The following GPATCH8 variants were observed in gnomAD, a reference collection of about 807,000 sequenced individuals.
GPATCH8 encodes G-patch domain containing 8.
GPATCH8 carries 18 observed loss-of-function variants against 118.3 expected under a neutral mutation model. The ratio of observed to expected loss-of-function variants is 0.15; its 90% CI spans 0.11 to 0.23. GPATCH8 has a LOEUF of 0.23. Ranked by LOEUF, GPATCH8 falls within the 10% of genes least tolerant of loss-of-function variation. GPATCH8 has a pLI of 1.00. For missense variants in GPATCH8, 1,631 were observed against 1,873.8 expected (o/e 0.87, Z 2.39); for synonymous variants, 659 against 684.7 (o/e 0.96, Z 0.59).
At chr17:44,430,208 T>C (rs2143972962) in intron 5 of GPATCH8, among the ~76,000 whole-genome samples, 1 of 152,260 alleles carries the variant, frequency 6.6e-6, no homozygotes, top group African/African-American at 2.4e-5. Context: ...AGTATTACCC[T>C]GATACAAAGA....
At chr17:44,471,203 T>C (rs1967252876) in intron 2 of GPATCH8, among the ~76,000 whole-genome samples, 1 of 152,170 alleles carries the variant, frequency 6.6e-6, no homozygotes, top group Non-Finnish European at 1.5e-5. Flanking sequence ...CTTCAAAAAA[T>C]ATTATTAAAT....
intron 3 of GPATCH8, among the ~76,000 whole-genome samples, chr17:44,464,001 A>C (rs1385875694): frequency 6.6e-5 from 10 of 152,154 alleles, no homozygotes; most frequent in Non-Finnish European, 2.9e-5. Flanking sequence ...CTACCACTAC[A>C]TAAATTTCTT....
chr17:44,402,483 C>T (rs976118589), intron 7 of GPATCH8, among the ~76,000 whole-genome samples: 1 of 151,704 alleles, frequency 6.6e-6, no homozygotes, highest in Non-Finnish European at 1.5e-5. Context: ...TTATTTCATT[C>T]AATTAAAGAA....
intron 3 of GPATCH8, among the ~76,000 whole-genome samples, chr17:44,440,224 C>A (rs909046127): frequency 6.6e-6 from 1 of 152,098 alleles, no homozygotes; most frequent in Non-Finnish European, 1.5e-5. Context: ...TCAACCAGAA[C>A]ACTAAATAAT....
At chr17:44,501,597 T>G (rs7210568) in intron 1 of GPATCH8, among the ~76,000 whole-genome samples, 14 of 151,728 alleles carry the variant, frequency 9.2e-5, no homozygotes, top group Non-Finnish European at 1.3e-4. Flanking sequence ...AAACTGAGTA[T>G]TGAAAAAGTA....
chr17:44,496,537 G>A (rs1003873969), intron 1 of GPATCH8, among the ~76,000 whole-genome samples: 2 of 152,180 alleles, frequency 1.3e-5, no homozygotes, highest in Admixed American at 1.3e-4. Flanking sequence ...GTATTACAAA[G>A]ACACTTTCTG....
chr17:44,445,332 G>A (rs1286023012), intron 3 of GPATCH8, among the ~76,000 whole-genome samples: 1 of 152,124 alleles, frequency 6.6e-6, no homozygotes, highest in Non-Finnish European at 1.5e-5. Context: ...CAGGAAATTA[G>A]GTTTAGGGTA....
intron 5 of GPATCH8, among the ~76,000 whole-genome samples, chr17:44,430,679 G>A (rs2050274230): frequency 6.6e-6 from 1 of 151,732 alleles, no homozygotes; most frequent in Admixed American, 6.6e-5. Context: ...CACTCTGTCT[G>A]TCGCCCAGGC....
At chr17:44,436,359 G>C in intron 4 of GPATCH8, 119 bp downstream of exon 4, 1 of 707,802 alleles carries the variant, frequency 1.4e-6, no homozygotes, top group Non-Finnish European at 2.6e-6. Context: ...GTCATCCAAA[G>C]AAAAATATTA....
At chr17:44,429,809 A>G (rs527925684) in intron 5 of GPATCH8, among the ~76,000 whole-genome samples, 166 of 151,878 alleles carry the variant, frequency 1.1e-3, no homozygotes, top group African/African-American at 3.8e-3. Flanking sequence ...GGCTGCAGTG[A>G]GCTGAGATCG....
intron 2 of GPATCH8, among the ~76,000 whole-genome samples, chr17:44,468,134 AT>A (rs928760975): frequency 7.4e-5 from 11 of 147,994 alleles, no homozygotes; most frequent in African/African-American, 1.2e-4. Context: ...CATCCAGCCA[AT>A]TTTTTTTTTG....
intron 3 of GPATCH8, among the ~76,000 whole-genome samples, chr17:44,448,561 AGAAGAG>A (rs1161430720): frequency 3.5e-5 from 3 of 86,954 alleles, no homozygotes; most frequent in Non-Finnish European, 5.4e-5. Flanking sequence ...AAGAGGAAGA[AGAAGAG>A]GAAGAGGAAG....
chr17:44,439,399 G>A (rs2050614832), intron 3 of GPATCH8, among the ~76,000 whole-genome samples: 1 of 152,034 alleles, frequency 6.6e-6, no homozygotes, highest in South Asian at 2.1e-4. Context: ...CAGCTCTAGA[G>A]AAACCGACAT....
chr17:44,414,330 C>T (rs555565971), intron 6 of GPATCH8, among the ~76,000 whole-genome samples: 16 of 151,664 alleles, frequency 1.1e-4, no homozygotes, highest in African/African-American at 3.6e-4. Context: ...TTTTTGGAGA[C>T]AGGGTTTTGC....
At chr17:44,419,796 G>C (rs1332493623) in intron 6 of GPATCH8, among the ~76,000 whole-genome samples, 1 of 152,144 alleles carries the variant, frequency 6.6e-6, no homozygotes, top group Non-Finnish European at 1.5e-5. Context: ...CAGTAGCTGG[G>C]ATTATAGGCA....
At chr17:44,432,090 A>C (rs1177342614) in intron 5 of GPATCH8, among the ~76,000 whole-genome samples, 1 of 151,492 alleles carries the variant, frequency 6.6e-6, no homozygotes, top group African/African-American at 2.4e-5. Flanking sequence ...CTCTCCCAAC[A>C]AATCTTCAAG....
intron 2 of GPATCH8, among the ~76,000 whole-genome samples, chr17:44,468,025 G>A (rs1412448383): frequency 1.4e-5 from 2 of 147,676 alleles, no homozygotes; most frequent in African/African-American, 2.5e-5. Flanking sequence ...TTTTTGAGAC[G>A]GAGTCTCACT....
chr17:44,444,792 G>A (rs1021332289), intron 3 of GPATCH8, among the ~76,000 whole-genome samples: 1 of 151,942 alleles, frequency 6.6e-6, no homozygotes, highest in Non-Finnish European at 1.5e-5. Flanking sequence ...GAAAAAAAGT[G>A]GTAGCACTTT....
rs1197727143 is a variant in GPATCH8, at chr17:44,412,666, G to A, written c.493-6615C>T. Reference sequence around the variant, plus strand: ...CCCAAAGTGCTGGGATTACAGGTGTGAGCCACCACACCCAGCTGAACCTGT... The same window carrying A: ...CCCAAAGTGCTGGGATTACAGGTGTAAGCCACCACACCCAGCTGAACCTGT... On this transcript the variant is annotated intron_variant, in intron 6 of 7. Coordinates refer to ENST00000591680, the MANE Select transcript of GPATCH8 (RefSeq NM_001002909.4). 2.6e-5 allele frequency among the ~76,000 whole-genome samples: 4 copies of A among 152,204 alleles called. No homozygotes were observed. In the East Asian group the frequency reaches 7.7e-4, roughly 29 times the overall value.
Sources: allele counts gnomAD v4.1 joint callset (sites outside exome capture counted in the v4.1 genomes callset), GRCh38; gene constraint gnomAD v4.1.1; transcripts MANE v1.5; gene names NCBI Gene and HGNC (gene_info 2026-07-23, HGNC 2026-07-21).